CPAP: variants seen among roughly 807,000 people sequenced by gnomAD.
CPAP encodes centrosome assembly and centriole elongation protein.
chr13:24,894,702 G>A, the CPAP span, among the ~76,000 whole-genome samples: 5 of 152,304 alleles, frequency 3.3e-5, no homozygotes, highest in African/African-American at 9.6e-5. Context: ...GGCAGAACGC[G>A]CGGAGGAGAC....
the CPAP span, among the ~76,000 whole-genome samples, chr13:24,911,038 A>G: frequency 8.5e-4 from 130 of 152,300 alleles, no homozygotes; most frequent in African/African-American, 3.0e-3. Flanking sequence ...TCAGTAAAGT[A>G]TATTTCTTAA....
At chr13:24,892,885 CAAAA>C in the CPAP span, 6 of 832,086 alleles carry the variant, frequency 7.2e-6, no homozygotes, top group African/African-American at 1.9e-5. Context: ...AAAAAAAAAA[CAAAA>C]AGAAAAAACC....
chr13:24,922,581 C>G, the CPAP span, among the ~76,000 whole-genome samples: 1 of 152,256 alleles, frequency 6.6e-6, no homozygotes, highest in Non-Finnish European at 1.5e-5. Flanking sequence ...AACGAAGCCA[C>G]TGAACTGCCG....
chr13:24,912,098 A>T, the CPAP span: 2 of 1,597,446 alleles, frequency 1.3e-6, no homozygotes, highest in Non-Finnish European at 1.7e-6. Context: ...AACTTTATTA[A>T]ATCAACTTTA....
the CPAP span, among the ~76,000 whole-genome samples, chr13:24,896,402 C>T: frequency 6.6e-6 from 1 of 152,334 alleles, no homozygotes; most frequent in African/African-American, 2.4e-5. Context: ...TGCAGTGTGG[C>T]AGCCACCAGC....
At chr13:24,920,745 A>G in the CPAP span, among the ~76,000 whole-genome samples, 1 of 150,072 alleles carries the variant, frequency 6.7e-6, no homozygotes, top group Non-Finnish European at 1.5e-5. Flanking sequence ...CTCAGCCTCC[A>G]GAGTAGCTGG....
At chr13:24,922,797 C>G in the CPAP span, 3 of 152,376 alleles carry the variant, frequency 2.0e-5, no homozygotes, top group African/African-American at 7.2e-5. Flanking sequence ...CAGCACGAAC[C>G]GACACCTCAA....
At chr13:24,933,254 C>T in the CPAP span, 2 of 803,932 alleles carry the variant, frequency 2.5e-6, no homozygotes, top group Admixed American at 2.2e-5. Flanking sequence ...CTACTGGAAG[C>T]TCATCAGGAG....
chr13:24,896,763 T>C, the CPAP span, among the ~76,000 whole-genome samples: 1 of 152,230 alleles, frequency 6.6e-6, no homozygotes, highest in African/African-American at 2.4e-5. Context: ...AGGTTATTTA[T>C]TTTTTCCCTT....
chr13:24,906,222 G>A, the CPAP span: 1 of 1,609,830 alleles, frequency 6.2e-7, no homozygotes, highest in Non-Finnish European at 8.5e-7. Context: ...TTGCAGATCT[G>A]TTGATCCCTT....
At chr13:24,896,961 T>C in the CPAP span, among the ~76,000 whole-genome samples, 1 of 152,270 alleles carries the variant, frequency 6.6e-6, no homozygotes, top group Admixed American at 6.5e-5. Context: ...AAAACAGCCA[T>C]ACTAAATTTG....
At chr13:24,887,652 T>A in the CPAP span, among the ~76,000 whole-genome samples, 1 of 149,628 alleles carries the variant, frequency 6.7e-6, no homozygotes, top group Non-Finnish European at 1.5e-5. Flanking sequence ...TATAATTATT[T>A]CATTATACAT....
the CPAP span, among the ~76,000 whole-genome samples, chr13:24,900,869 C>T: frequency 2.0e-5 from 3 of 152,140 alleles, no homozygotes; most frequent in South Asian, 2.1e-4. Context: ...AAGCATGACT[C>T]CAAGATTTTC....
At chr13:24,892,497 A>G in the CPAP span, 1 of 688,366 alleles carries the variant, frequency 1.5e-6, no homozygotes, top group South Asian at 1.7e-5. Flanking sequence ...ATCTTACAAG[A>G]TGGAAACTGT....
At chr13:24,889,412 GAGAT>G in the CPAP span, 1 of 1,558,042 alleles carries the variant, frequency 6.4e-7, no homozygotes. Flanking sequence ...TATAGTATAA[GAGAT>G]AATTTTTTAT....
the CPAP span, among the ~76,000 whole-genome samples, chr13:24,910,380 C>T: frequency 1.3e-5 from 2 of 152,152 alleles, no homozygotes; most frequent in East Asian, 1.9e-4. Context: ...TGTGCCACCA[C>T]GCCCAGCTAA....
At chr13:24,907,119 T>A in the CPAP span, 1 of 1,613,980 alleles carries the variant, frequency 6.2e-7, no homozygotes, top group Non-Finnish European at 8.5e-7. Context: ...CAGTTCTTGC[T>A]CTTCCAACTG....
chr13:24,884,943 C>T, the CPAP span, among the ~76,000 whole-genome samples: 3 of 152,180 alleles, frequency 2.0e-5, no homozygotes, highest in South Asian at 2.1e-4. Context: ...AGTTTTCCCA[C>T]TAAGAAACTT....
chr13:24,920,777 T>A, the CPAP span, among the ~76,000 whole-genome samples: 1 of 134,060 alleles, frequency 7.5e-6, no homozygotes, highest in Non-Finnish European at 1.6e-5. Context: ...TGCACCACCA[T>A]ACCTGGCTTT....
Sources: allele counts gnomAD v4.1 joint callset (sites outside exome capture counted in the v4.1 genomes callset), GRCh38; gene constraint gnomAD v4.1.1; transcripts MANE v1.5; gene names NCBI Gene and HGNC (gene_info 2026-07-23, HGNC 2026-07-21).